GABRD: variants seen among roughly 807,000 people sequenced by gnomAD.
GABRD encodes the protein gamma-aminobutyric acid type A receptor subunit delta, also known as gamma-aminobutyric acid receptor subunit delta.
GABRD carries 25 observed loss-of-function variants against 47.3 expected under a neutral mutation model. That is an observed-to-expected ratio of 0.53 (90% CI 0.39 to 0.74). The LOEUF (loss-of-function observed/expected upper bound fraction) is 0.74. GABRD is among the 30% of genes least tolerant of loss of function. The pLI is 0.00. For missense variants in GABRD, 497 were observed against 643.4 expected, an observed-to-expected ratio of 0.77 and a Z score of 2.46; for synonymous variants, 314 against 278.8, an observed-to-expected ratio of 1.13 and a Z score of -1.26.
chr1:2,030,023 C>T lies in GABRD; in HGVS notation c.1100C>T (p.Ala367Val), dbSNP rs1020129541. Residue 367 changes from alanine (A) to valine (V), a missense_variant, in exon 9 of 9, where the codon GCT (alanine) becomes GTT (valine). Physicochemically the swap from Ala to Val is moderately conservative, Grantham distance 64. This residue lies in a region of GABRD where 285 missense variants were observed against 436.6 expected (regional missense o/e 0.65). Transcript: ENST00000378585. ...GCCATTGTCCTCTTCTCCCTCTCTG[C>T]TGCCGGCGTCACGCAGGAGCTGGCC... ...RNAIVLFSLS[A>V]AGVTQELAIS... 2 of 1,612,574 alleles carry T rather than the reference C, an allele frequency of 1.2e-6. No individual in the cohort carries two copies. The highest frequency in any genetic ancestry group is 2.7e-5 in the African/African-American group (2 of 74,944).
chr1:2,029,462 G>T, intron 7 of GABRD, 89 bp from the exon 8 acceptor site: 1 of 1,555,098 alleles, frequency 6.4e-7, no homozygotes, highest in South Asian at 1.1e-5. Context: ...GGGGGCAGCG[G>T]ACCCTCATCC....
At chr1:2,027,755 G>A in intron 5 of GABRD, 96 bp downstream of exon 5, 2 of 1,140,662 alleles carry the variant, frequency 1.8e-6, no homozygotes, top group South Asian at 1.3e-5. Flanking sequence ...CCCGGCTCAG[G>A]ATGCAGGAAA....
In GABRD at chr1:2,029,199, G is replaced by C. The variant is rs369231950; in HGVS notation, c.780G>C (p.Leu260=). The change falls in exon 7 of 9, where the codon CTG becomes CTC. Residue 260 remains leucine (L), a synonymous_variant. Coordinates refer to ENST00000378585, the MANE Select transcript of GABRD (RefSeq NM_000815.5). ...TCCAATCCTACATGCCCTCCGTCCT[G>C]CTGGTCGCCATGTCCTGGGTCTCCT... ...YIIQSYMPSV[L]LVAMSWVSFW... is the part of the protein sequence containing the mutation. 1.5e-5 allele frequency: 23 copies of C among 1,568,382 alleles called. 3 individuals carry two copies. The highest frequency in any genetic ancestry group is 3.8e-5 in the Admixed American group (2 of 52,830).
chr1:2,022,489 G>A (rs1399510433), intron 1 of GABRD: 2 of 152,268 alleles, frequency 1.3e-5, no homozygotes, highest in Admixed American at 6.5e-5. Context: ...GCTGCTCCTG[G>A]CCTTGCCTTC....
Position 2,028,989 on chromosome 1 carries a change from G to A in GABRD, c.692-122G>A. The A allele has an allele frequency of 8.0e-7, 1 of 1,252,820 alleles. No homozygotes were observed. Among genetic ancestry groups the A allele is most frequent in the East Asian group, 2.5e-5 (1 of 39,434 alleles). The allele number at this position is 1,252,820 out of a possible 1,614,324, so 77.6% of individuals were successfully genotyped here. A position where few individuals can be genotyped will look rare whatever the true frequency, so the allele number is the denominator to read the frequency against. ...CCATGTGGTTGGTGGGGAGGGCAGG[G>A]GTCTAAGTCTCTCTTCTGAGCCCTG... On this transcript the variant is annotated intron_variant, in intron 6 of 8. Coordinates refer to ENST00000378585, the MANE Select transcript of GABRD (RefSeq NM_000815.5). This position sits in a 1 kb window ranked among gnomAD's most constrained non-coding sequence, Gnocchi z 6.4.
At chr1:2,021,583 C>T (rs752409542) in intron 1 of GABRD, among the ~76,000 whole-genome samples, 3 of 152,166 alleles carry the variant, frequency 2.0e-5, no homozygotes, top group Non-Finnish European at 2.9e-5. Flanking sequence ...TGCTGCGTGG[C>T]GGCCGTGGGT....
rs757601943 is a variant in GABRD at position 2,029,717 on chromosome 1, G to T, written c.1014G>T (p.Arg338Ser). Residue 338 changes from arginine to serine, a missense_variant, in exon 8 of 9, where the codon AGG (arginine) becomes AGT (serine). By Grantham distance (110) the Arg-to-Ser change is moderately radical. Around this residue, in one of 3 missense-constraint regions of GABRD, gnomAD observed 285 missense variants for 436.6 expected, o/e 0.65. Transcript: ENST00000378585. ...YAFAHFNADY[R>S]KKQKAKVKVS... The stretch of plus-strand genomic sequence containing the variant: ...TTGCTCATTTCAACGCCGACTACAG[G>T]AAGAAGCAGAAGGCCAAGGTCAAGG... 2 of 1,613,392 alleles carry T rather than the reference G, an allele frequency of 1.2e-6. No individual in the cohort carries two copies. Among genetic ancestry groups the T allele is most frequent in the South Asian group, 2.2e-5 (2 of 91,090 alleles).
At chr1:2,023,032 G>T (rs1658822103) in intron 1 of GABRD, among the ~76,000 whole-genome samples, 1 of 152,146 alleles carries the variant, frequency 6.6e-6, no homozygotes, top group Non-Finnish European at 1.5e-5. Flanking sequence ...TGGTCCTCAG[G>T]GGGCCCAGGA....
Position 2,024,503 on chromosome 1 carries a change from G to A in GABRD, c.69-439G>A, listed in dbSNP as rs146393122. 315 of 155,572 alleles carry A rather than the reference G, an allele frequency of 2.0e-3. No individual in the cohort carries two copies. Among genetic ancestry groups the A allele is most frequent in the African/African-American group, 4.3e-3 (180 of 41,630 alleles). 9.6% of individuals were successfully genotyped at this position (155,572 alleles called of 1,614,324 possible). A position where few individuals can be genotyped will look rare whatever the true frequency, so the allele number is the denominator to read the frequency against. Reference sequence around the variant, plus strand: ...TCCTCACATTCCTCTTCTCCAAACCGTCTAATGGGGGAAGCTTCGCCCTCA... The same window carrying A: ...TCCTCACATTCCTCTTCTCCAAACCATCTAATGGGGGAAGCTTCGCCCTCA... On this transcript the variant is annotated intron_variant, in intron 1 of 8. Transcript: ENST00000378585.
chr1:2,026,314 T>G (rs1388041240), intron 4 of GABRD, among the ~76,000 whole-genome samples: 1 of 152,202 alleles, frequency 6.6e-6, no homozygotes, highest in African/African-American at 2.4e-5. Flanking sequence ...TTCATCCCAG[T>G]GGAAGCCGGA....
rs138082511 is a variant in GABRD at position 2,027,259 on chromosome 1, G to A, written c.471-318G>A. On this transcript the variant is annotated intron_variant, in intron 4 of 8. Transcript: ENST00000378585. ...GCGTGGCAACTCTGGGCCTATTCCCGTGTGTTCCTCAGCCATCGCTCGGGC... is the reference window on the plus strand; with the variant it reads ...GCGTGGCAACTCTGGGCCTATTCCCATGTGTTCCTCAGCCATCGCTCGGGC... The A allele has an allele frequency of 8.2e-4, 359 of 437,368 alleles. 8 individuals carry two copies. Among genetic ancestry groups the A allele is most frequent in the South Asian group, 7.2e-3 (338 of 47,258 alleles). 27.1% of individuals were successfully genotyped at this position (437,368 alleles called of 1,614,324 possible). A position where few individuals can be genotyped will look rare whatever the true frequency, so the allele number is the denominator to read the frequency against.
intron 4 of GABRD, chr1:2,027,217 C>T: frequency 2.7e-6 from 1 of 370,178 alleles, no homozygotes; most frequent in Non-Finnish European, 5.2e-6. Flanking sequence ...TATTTGACCT[C>T]TCCTAGAAAA....
chr1:2,021,825 G>A (rs1477349715), intron 1 of GABRD, among the ~76,000 whole-genome samples: 1 of 152,194 alleles, frequency 6.6e-6, no homozygotes, highest in African/African-American at 2.4e-5. Flanking sequence ...GGATATGTGG[G>A]CTGGGTGTGC....
At chr1:2,024,412 A>C (rs976342023) in intron 1 of GABRD, 2 of 152,368 alleles carry the variant, frequency 1.3e-5, no homozygotes, top group African/African-American at 4.8e-5. Flanking sequence ...GAGGAGACAG[A>C]GAGTAGGAGG....
rs1248660340 is a variant in GABRD at position 2,029,634 on chromosome 1, G to A, written c.931G>A (p.Asp311Asn). ...ACGGGCATCAGCCATCAAGGCACTG[G>A]ACGTCTACTTCTGGATCTGCTATGT... is the stretch of plus-strand genomic sequence containing the variant. ...LPRASAIKAL[D>N]VYFWICYVFV... Residue 311 changes from aspartate (D) to asparagine (N), a missense_variant, in exon 8 of 9, where the codon GAC (aspartate) becomes AAC (asparagine). Coordinates refer to ENST00000378585, the MANE Select transcript of GABRD (RefSeq NM_000815.5). 2 of 1,613,366 alleles carry A rather than the reference G, an allele frequency of 1.2e-6. No individual in the cohort carries two copies. The highest frequency in any genetic ancestry group is 2.7e-5 in the African/African-American group (2 of 74,932).
In GABRD at chr1:2,030,416, A is replaced by G. The variant is rs1659058717; in HGVS notation, c.*134A>G. 15 of 800,530 alleles carry G rather than the reference A, an allele frequency of 1.9e-5. No homozygotes were observed. In the South Asian group the frequency reaches 3.5e-4, roughly 19 times the overall value. The allele number at this position is 800,530 out of a possible 1,614,324, so 49.6% of individuals were successfully genotyped here. Reference sequence around the variant, plus strand: ...GTGGGATGACAGTCGGCCACGGAAAACAAGAGGAAGCCTCGGCCTCCCTGA... The same window carrying G: ...GTGGGATGACAGTCGGCCACGGAAAGCAAGAGGAAGCCTCGGCCTCCCTGA... On this transcript the variant is annotated 3_prime_UTR_variant, in exon 9 of 9. Transcript: ENST00000378585.
Position 2,019,417 on chromosome 1 carries a change from C to G in GABRD, c.-7C>G, listed in dbSNP as rs1277677078. On this transcript the variant is annotated 5_prime_UTR_variant, in exon 1 of 9. Coordinates refer to ENST00000378585, the MANE Select transcript of GABRD (RefSeq NM_000815.5). Reference sequence around the variant, plus strand: ...TGCGCGGACCCCGTCCCGAGCCCGCCGCGGCCATGGACGCGCCCGCCCGGC... The same window carrying G: ...TGCGCGGACCCCGTCCCGAGCCCGCGGCGGCCATGGACGCGCCCGCCCGGC... 3.7e-6 allele frequency: 4 copies of G among 1,078,170 alleles called. No individual in the cohort carries two copies. Among genetic ancestry groups the G allele is most frequent in the Non-Finnish European group, 4.5e-6 (4 of 891,632 alleles). 66.8% of individuals were successfully genotyped at this position (1,078,170 alleles called of 1,614,324 possible).
Position 2,025,010 on chromosome 1 carries a change from G to A in GABRD, c.137G>A (p.Gly46Glu), listed in dbSNP as rs1441811312. 6.2e-7 allele frequency: 1 copy of A among 1,612,862 alleles called. No individual in the cohort carries two copies. The highest frequency in any genetic ancestry group is 8.5e-7 in the Non-Finnish European group (1 of 1,179,878). The change falls in exon 2 of 9, where the codon GGG (glycine) becomes GAG (glutamate). Residue 46 changes from glycine to glutamate, a missense_variant. This residue lies in a region of GABRD where 91 missense variants were observed against 85.5 expected (regional missense o/e 1.06). Transcript: ENST00000378585. Reference sequence around the variant, plus strand: ...ATCTCCTGGCTCCCCAACCTGGACGGGCTGATAGCCGGCTACGCCCGCAAC... The same window carrying A: ...ATCTCCTGGCTCCCCAACCTGGACGAGCTGATAGCCGGCTACGCCCGCAAC... Reference protein sequence around the residue: ...LEISWLPNLDGLIAGYARNFR... With the variant: ...LEISWLPNLDELIAGYARNFR...
Position 2,025,499 on chromosome 1 carries a change from C to T in GABRD, c.250-19C>T, listed in dbSNP as rs1214809919. ...GGGTGGAGCAAGGCTGACCCCCGGC[C>T]CCTGTGCCACCTCCACAGGAGTACA... On this transcript the variant is annotated intron_variant, in intron 3 of 8. Coordinates refer to ENST00000378585, the MANE Select transcript of GABRD (RefSeq NM_000815.5). 24 of 1,611,348 alleles carry T rather than the reference C, an allele frequency of 1.5e-5. No individual in the cohort carries two copies. Among genetic ancestry groups the T allele is most frequent in the Non-Finnish European group, 1.8e-5 (21 of 1,178,678 alleles).
Sources: gnomAD v4.1 joint callset for allele counts (sites outside exome capture counted in the v4.1 genomes callset) on GRCh38, gnomAD v4.1.1 for gene constraint, gnomAD v4.1.1 regional missense constraint, Gnocchi (gnomAD v3.1) non-coding constraint, MANE v1.5 for transcripts, NCBI Gene and HGNC (gene_info 2026-07-23, HGNC 2026-07-21) for gene names.